SMYD3: variants seen among roughly 807,000 people sequenced by gnomAD.
SMYD3 encodes histone-lysine N-methyltransferase SMYD3.
Under a neutral mutation model 57.7 loss-of-function variants are expected in SMYD3, and 36 were observed. The ratio of observed to expected loss-of-function variants is 0.62; its 90% CI spans 0.48 to 0.82. The LOEUF is 0.82. Among genes scored for constraint, SMYD3 ranks in the 40% least tolerant of loss-of-function variants. SMYD3 has a pLI of 0.00. For synonymous variants in SMYD3, 211 were observed against 195.0 expected (o/e 1.08, Z -0.68); for missense variants, 515 against 538.8 (o/e 0.96, Z 0.44).
chr1:245,831,592 T>TG (rs2049836869), intron 10 of SMYD3, among the ~76,000 whole-genome samples: 4 of 152,262 alleles, frequency 2.6e-5, no homozygotes, highest in African/African-American at 9.6e-5. Flanking sequence ...AGGTTGTCGA[T>TG]GTTTGGACCA....
intron 5 of SMYD3, among the ~76,000 whole-genome samples, chr1:246,144,127 G>A (rs568999750): frequency 6.6e-6 from 1 of 152,250 alleles, no homozygotes; most frequent in African/African-American, 2.4e-5. Context: ...CCTCCCTGTC[G>A]AGCTGACAAG....
intron 5 of SMYD3, among the ~76,000 whole-genome samples, chr1:246,299,202 T>A (rs1266531580): frequency 6.6e-6 from 1 of 152,170 alleles, no homozygotes; most frequent in Admixed American, 6.5e-5. Flanking sequence ...ACTGGTTCAT[T>A]AAATTTTAAT....
chr1:246,284,386 T>C (rs919191745), intron 5 of SMYD3, among the ~76,000 whole-genome samples: 5 of 151,836 alleles, frequency 3.3e-5, no homozygotes, highest in Non-Finnish European at 5.9e-5. Flanking sequence ...GAGCAAAATT[T>C]CCATTCTCTG....
chr1:245,866,482 A>T (rs1285048718), intron 8 of SMYD3, among the ~76,000 whole-genome samples: 1 of 152,064 alleles, frequency 6.6e-6, no homozygotes, highest in East Asian at 1.9e-4. Flanking sequence ...CTGTAATCCC[A>T]CCACTTTGGG....
chr1:246,130,906 G>A (rs139007943), intron 5 of SMYD3, among the ~76,000 whole-genome samples: 29 of 152,136 alleles, frequency 1.9e-4, no homozygotes, highest in African/African-American at 6.0e-4. Context: ...AGAGAATAAC[G>A]TCCAAACTTC....
intron 5 of SMYD3, among the ~76,000 whole-genome samples, chr1:246,122,325 T>C (rs552112230): frequency 3.3e-4 from 50 of 152,234 alleles, no homozygotes; most frequent in African/African-American, 1.1e-3. Flanking sequence ...GGCAGGAGGA[T>C]CACCTGAGCC....
At chr1:246,115,026 G>A (rs189159393) in intron 5 of SMYD3, among the ~76,000 whole-genome samples, 88 of 152,352 alleles carry the variant, frequency 5.8e-4, no homozygotes, top group Middle Eastern at 3.4e-3. Flanking sequence ...GAAGCCAGGC[G>A]GAGCCTGAAG....
chr1:246,374,475 G>A (rs1365374226), intron 1 of SMYD3, among the ~76,000 whole-genome samples: 1 of 152,100 alleles, frequency 6.6e-6, no homozygotes, highest in Non-Finnish European at 1.5e-5. Context: ...ACCACTTGGT[G>A]CTCTGTTTTT....
intron 5 of SMYD3, among the ~76,000 whole-genome samples, chr1:246,004,326 C>A (rs2059133732): frequency 6.6e-6 from 1 of 152,180 alleles, no homozygotes; most frequent in African/African-American, 2.4e-5. Flanking sequence ...ATACCGCTCA[C>A]CCCAGTTTTC....
chr1:245,790,561 A>G (rs1167990185), intron 10 of SMYD3, among the ~76,000 whole-genome samples: 1 of 152,224 alleles, frequency 6.6e-6, no homozygotes, highest in Non-Finnish European at 1.5e-5. Flanking sequence ...CACCTAAAAA[A>G]TGTGGATGCT....
chr1:245,948,878 CAG>C (rs1413424953), intron 5 of SMYD3, among the ~76,000 whole-genome samples: 2 of 152,216 alleles, frequency 1.3e-5, no homozygotes, highest in Non-Finnish European at 2.9e-5. Flanking sequence ...CCAGTTCCAC[CAG>C]CCCCAGTGAC....
intron 5 of SMYD3, among the ~76,000 whole-genome samples, chr1:246,191,484 T>G (rs189389473): frequency 1.3e-5 from 2 of 152,310 alleles, no homozygotes; most frequent in East Asian, 3.9e-4. Context: ...AAATTAGTCA[T>G]GTAACTGAAA....
At chr1:245,800,729 C>T (rs750575651) in intron 10 of SMYD3, among the ~76,000 whole-genome samples, 1 of 152,042 alleles carries the variant, frequency 6.6e-6, no homozygotes, top group Non-Finnish European at 1.5e-5. Flanking sequence ...TTTCCTAAAG[C>T]AAGTAGTGGA....
In SMYD3 at chr1:245,885,016, G is replaced by A. The variant is rs193158385; in HGVS notation, c.814-21130C>T. ...TGGGTCTGCACTACCTTTATGAGCT[G>A]TAACACTCAATGCGAAGGTCTGCGG... On this transcript the variant is annotated intron_variant, in intron 8 of 11. Transcript: ENST00000490107. Among the ~76,000 whole-genome samples, 5 of 152,266 alleles carry A rather than the reference G, an allele frequency of 3.3e-5. No homozygotes were observed. In the East Asian group the frequency reaches 9.7e-4, roughly 29 times the overall value.
intron 5 of SMYD3, among the ~76,000 whole-genome samples, chr1:245,962,432 T>A (rs184325876): frequency 9.3e-4 from 142 of 152,330 alleles, no homozygotes; most frequent in African/African-American, 2.9e-3. Flanking sequence ...ACGGTTGAGA[T>A]GATCGCTAAA....
intron 5 of SMYD3, among the ~76,000 whole-genome samples, chr1:246,106,374 T>C (rs1031127056): frequency 2.0e-5 from 3 of 152,218 alleles, no homozygotes; most frequent in African/African-American, 7.2e-5. Context: ...GTGCAGTCAC[T>C]TATGCCTTAG....
chr1:245,967,864 G>A (rs1244402163), intron 5 of SMYD3, among the ~76,000 whole-genome samples: 1 of 152,192 alleles, frequency 6.6e-6, no homozygotes, highest in African/African-American at 2.4e-5. Flanking sequence ...CAACAGGCAG[G>A]AGAGTGGCGT....
At chr1:246,408,663 C>CTTTTTTT (rs5782392) in intron 1 of SMYD3, among the ~76,000 whole-genome samples, 8 of 65,530 alleles carry the variant, frequency 1.2e-4, no homozygotes, top group African/African-American at 3.4e-4. Flanking sequence ...AGAAGCAAGT[C>CTTTTTTT]TTTTTTTTTT....
At chr1:246,207,472 T>C (rs1179575577) in intron 5 of SMYD3, among the ~76,000 whole-genome samples, 1 of 151,988 alleles carries the variant, frequency 6.6e-6, no homozygotes, top group African/African-American at 2.4e-5. Context: ...AAATACAGCA[T>C]AAGGAGTGAA....
Sources: gnomAD v4.1 joint callset for allele counts (sites outside exome capture counted in the v4.1 genomes callset) on GRCh38, gnomAD v4.1.1 for gene constraint, MANE v1.5 for transcripts, NCBI Gene and HGNC (gene_info 2026-07-23, HGNC 2026-07-21) for gene names.